The following WWOX variants were observed in gnomAD, a reference collection of about 807,000 sequenced individuals.
WWOX encodes WW domain-containing oxidoreductase.
Under a neutral mutation model 46.2 loss-of-function variants are expected in WWOX, and 69 were observed. The observed-to-expected ratio is 1.49, with a 90% CI of 1.23 to 1.82. The LOEUF (loss-of-function observed/expected upper bound fraction) is 1.82, where lower values mean the gene tolerates loss of function less well. Ranked by LOEUF, WWOX falls within the 40% of genes most tolerant of loss-of-function variation. The pLI is 0.00. For synonymous variants in WWOX, 359 were observed against 202.6 expected, an observed-to-expected ratio of 1.77 and a Z score of -6.56; for missense variants, 919 against 542.6, an observed-to-expected ratio of 1.69 and a Z score of -6.89.
chr16:78,199,457 T>A (rs2036162932), intron 5 of WWOX, among the ~76,000 whole-genome samples: 1 of 152,102 alleles, frequency 6.6e-6, no homozygotes, highest in Non-Finnish European at 1.5e-5. Context: ...AACCCAAGGG[T>A]CAACTAATCT....
chr16:78,846,560 A>G (rs542735229), intron 8 of WWOX, among the ~76,000 whole-genome samples: 2 of 152,108 alleles, frequency 1.3e-5, no homozygotes, highest in Non-Finnish European at 2.9e-5. Context: ...AGGAATATAC[A>G]TAAGTGATGT....
At chr16:78,141,051 T>TA (rs1320324875) in intron 4 of WWOX, among the ~76,000 whole-genome samples, 1 of 152,220 alleles carries the variant, frequency 6.6e-6, no homozygotes. Flanking sequence ...TTTTCAGAAG[T>TA]AATTGTTCTT....
At chr16:78,495,775 T>C (rs1300147243) in intron 8 of WWOX, among the ~76,000 whole-genome samples, 1 of 152,216 alleles carries the variant, frequency 6.6e-6, no homozygotes, top group Non-Finnish European at 1.5e-5. Context: ...CCCAAAGTGC[T>C]GGGATTATAG....
chr16:78,927,639 A>C (rs189595607), intron 8 of WWOX, among the ~76,000 whole-genome samples: 165 of 152,320 alleles, frequency 1.1e-3, no homozygotes, highest in Middle Eastern at 6.8e-3. Flanking sequence ...CTTTAAATCT[A>C]AATTGGAGAG....
intron 8 of WWOX, among the ~76,000 whole-genome samples, chr16:78,570,766 A>G (rs1475868143): frequency 6.6e-6 from 1 of 152,178 alleles, no homozygotes; most frequent in Non-Finnish European, 1.5e-5. Context: ...GATAAAATAT[A>G]TTCCAGTGGC....
intron 8 of WWOX, among the ~76,000 whole-genome samples, chr16:78,951,477 C>A (rs1597196453): frequency 6.6e-6 from 1 of 151,464 alleles, no homozygotes; most frequent in South Asian, 2.1e-4. Flanking sequence ...TCCCCTTGAT[C>A]CACACCATAT....
At chr16:78,376,041 G>T (rs1437952229) in intron 5 of WWOX, among the ~76,000 whole-genome samples, 1 of 151,840 alleles carries the variant, frequency 6.6e-6, no homozygotes, top group Admixed American at 6.6e-5. Context: ...GTAGAGATGG[G>T]GTTTCACCAT....
At chr16:78,170,115 C>G (rs2035106837) in intron 5 of WWOX, among the ~76,000 whole-genome samples, 2 of 152,114 alleles carry the variant, frequency 1.3e-5, no homozygotes, top group Middle Eastern at 3.4e-3. Context: ...AGGGGTGACC[C>G]AAGTATGTTT....
intron 8 of WWOX, among the ~76,000 whole-genome samples, chr16:78,618,250 G>T (rs1195794317): frequency 6.6e-6 from 1 of 152,208 alleles, no homozygotes; most frequent in African/African-American, 2.4e-5. Flanking sequence ...CACTGACGCA[G>T]TTCTCACTCT....
At chr16:78,517,782 C>G (rs2043268021) in intron 8 of WWOX, among the ~76,000 whole-genome samples, 1 of 149,048 alleles carries the variant, frequency 6.7e-6, no homozygotes, top group African/African-American at 2.5e-5. Context: ...AGGTTTATTT[C>G]CTTCTGGATT....
chr16:78,548,944 C>G (rs1000131684), intron 8 of WWOX, among the ~76,000 whole-genome samples: 5 of 152,182 alleles, frequency 3.3e-5, no homozygotes, highest in Non-Finnish European at 5.9e-5. Context: ...TTTTGCCCCC[C>G]AAATATAGCC....
At chr16:78,343,307 C>G (rs2081045547) in intron 5 of WWOX, among the ~76,000 whole-genome samples, 1 of 120,546 alleles carries the variant, frequency 8.3e-6, no homozygotes. Context: ...AATCCATAAC[C>G]CACCGCCACG....
At chr16:78,763,527 A>G (rs1195126979) in intron 8 of WWOX, among the ~76,000 whole-genome samples, 1 of 152,146 alleles carries the variant, frequency 6.6e-6, no homozygotes, top group Non-Finnish European at 1.5e-5. Context: ...TTTTACATAG[A>G]GTATGAAACT....
At chr16:78,474,765 G>A (rs9931884) in intron 8 of WWOX, among the ~76,000 whole-genome samples, 1 of 151,862 alleles carries the variant, frequency 6.6e-6, no homozygotes, top group Admixed American at 6.6e-5. Flanking sequence ...TCTGCGAACC[G>A]CTAGTCTGCT....
chr16:78,465,792 C>G (rs7206262), intron 8 of WWOX, among the ~76,000 whole-genome samples: 6 of 152,116 alleles, frequency 3.9e-5, no homozygotes, highest in African/African-American at 1.4e-4. Context: ...TTCTGTGTTT[C>G]ATGATTTTTT....
At chr16:79,054,593 G>C (rs2048228733) in intron 8 of WWOX, among the ~76,000 whole-genome samples, 1 of 152,202 alleles carries the variant, frequency 6.6e-6, no homozygotes, top group East Asian at 1.9e-4. Flanking sequence ...CGGTCAAGGT[G>C]GGAAGATCCC....
At chr16:78,594,318 G>C (rs1344372019) in intron 8 of WWOX, among the ~76,000 whole-genome samples, 1 of 150,434 alleles carries the variant, frequency 6.6e-6, no homozygotes, top group Non-Finnish European at 1.5e-5. Context: ...TTTGTTTTCA[G>C]CAATACTCTC....
At chr16:79,179,778 C>T (rs938271458) in intron 8 of WWOX, among the ~76,000 whole-genome samples, 1 of 152,204 alleles carries the variant, frequency 6.6e-6, no homozygotes, top group Non-Finnish European at 1.5e-5. Flanking sequence ...CCTTGAATCC[C>T]TTAACTCCTT....
At position 78,980,729 on chromosome 16, in the gene WWOX, A is replaced by G. The variant is rs149268413; in HGVS notation, c.1057-230879A>G. Among the ~76,000 whole-genome samples, 402 of 152,248 alleles carry G rather than the reference A, an allele frequency of 2.6e-3. 2 individuals are homozygous for G. Among genetic ancestry groups the G allele is most frequent in the African/African-American group, 9.4e-3 (391 of 41,544 alleles). ...GACCCGGATCAGCTCCATTCTCCCA[A>G]GGAGACTTTAGCTACTACCTTTCTT... On this transcript the variant is annotated intron_variant, in intron 8 of 8. Coordinates refer to ENST00000566780, the MANE Select transcript of WWOX (RefSeq NM_016373.4).
Sources: allele counts gnomAD v4.1 joint callset (sites outside exome capture counted in the v4.1 genomes callset), GRCh38; gene constraint gnomAD v4.1.1; transcripts MANE v1.5; gene names NCBI Gene and HGNC (gene_info 2026-07-23, HGNC 2026-07-21).